The following GALNTL6 variants were observed in gnomAD, a reference collection of about 807,000 sequenced individuals.
GALNTL6 encodes polypeptide N-acetylgalactosaminyltransferase like 6, also known as polypeptide N-acetylgalactosaminyltransferase-like 6.
GALNTL6 carries 46 observed loss-of-function variants against 73.7 expected under a neutral mutation model. The observed-to-expected ratio is 0.62, with a 90% CI of 0.49 to 0.80. GALNTL6 has a LOEUF of 0.80. Ranked by LOEUF, GALNTL6 falls within the 30% of genes least tolerant of loss-of-function variation. GALNTL6 has a pLI of 0.00. For missense variants in GALNTL6, 604 were observed against 755.0 expected (o/e 0.80, Z 2.34); for synonymous variants, 259 against 263.7 (o/e 0.98, Z 0.17).
At chr4:172,654,847 A>G (rs1730895660) in intron 5 of GALNTL6, among the ~76,000 whole-genome samples, 1 of 152,248 alleles carries the variant, frequency 6.6e-6, no homozygotes, top group Non-Finnish European at 1.5e-5. Flanking sequence ...TAGTAATAAT[A>G]ACAACGTTTG....
At chr4:172,429,195 A>ATTTTAATTTTATT (rs55787801) in intron 5 of GALNTL6, among the ~76,000 whole-genome samples, 1 of 133,748 alleles carries the variant, frequency 7.5e-6, no homozygotes, top group Non-Finnish European at 1.6e-5. Context: ...TTTATTTTAT[A>ATTTTAATTTTATT]TTATTTTATT....
intron 3 of GALNTL6, among the ~76,000 whole-genome samples, chr4:172,297,377 T>G (rs4314243): frequency 2.0e-5 from 3 of 152,162 alleles, no homozygotes; most frequent in Non-Finnish European, 2.9e-5. Flanking sequence ...CCATTTGTCA[T>G]TTCTGGCTTT....
At chr4:172,485,994 A>G (rs1465257297) in intron 5 of GALNTL6, among the ~76,000 whole-genome samples, 1 of 152,146 alleles carries the variant, frequency 6.6e-6, no homozygotes, top group Non-Finnish European at 1.5e-5. Flanking sequence ...TTCACCATTG[A>G]CTAAAGTTTA....
chr4:172,192,203 C>T (rs1735610012), intron 2 of GALNTL6, among the ~76,000 whole-genome samples: 1 of 151,724 alleles, frequency 6.6e-6, no homozygotes, highest in Admixed American at 6.6e-5. Flanking sequence ...ACTTATAATT[C>T]CTCTGAGTTA....
intron 8 of GALNTL6, among the ~76,000 whole-genome samples, chr4:172,898,775 T>C (rs1746470419): frequency 1.3e-5 from 2 of 152,224 alleles, no homozygotes; most frequent in South Asian, 2.1e-4. Flanking sequence ...CCTCATATTA[T>C]CTTATGCCCA....
intron 2 of GALNTL6, among the ~76,000 whole-genome samples, chr4:171,927,103 C>T (rs747957344): frequency 6.6e-5 from 10 of 151,890 alleles, no homozygotes; most frequent in Non-Finnish European, 1.0e-4. Context: ...TGTTTCAGCA[C>T]AATTCATGAA....
At chr4:171,904,311 A>G (rs1737202433) in intron 2 of GALNTL6, among the ~76,000 whole-genome samples, 1 of 152,152 alleles carries the variant, frequency 6.6e-6, no homozygotes, top group African/African-American at 2.4e-5. Flanking sequence ...GAGCTGATGG[A>G]GCTGAAAACC....
At chr4:172,303,678 G>T (rs1740020804) in intron 3 of GALNTL6, among the ~76,000 whole-genome samples, 1 of 152,154 alleles carries the variant, frequency 6.6e-6, no homozygotes, top group Non-Finnish European at 1.5e-5. Flanking sequence ...TTGTTTGTGT[G>T]ACAACAGCAG....
chr4:171,935,464 ACT>A (rs1738310977), intron 2 of GALNTL6, among the ~76,000 whole-genome samples: 1 of 152,020 alleles, frequency 6.6e-6, no homozygotes, highest in Non-Finnish European at 1.5e-5. Context: ...GAAGAAACAC[ACT>A]GACTCTCTTT....
At chr4:171,989,404 A>G (rs890686618) in intron 2 of GALNTL6, among the ~76,000 whole-genome samples, 20 of 152,122 alleles carry the variant, frequency 1.3e-4, no homozygotes, top group East Asian at 3.9e-4. Context: ...CTGATTTTCA[A>G]TGGGTTCCTA....
At chr4:172,355,513 TGTA>T (rs1742118254) in intron 5 of GALNTL6, among the ~76,000 whole-genome samples, 1 of 152,144 alleles carries the variant, frequency 6.6e-6, no homozygotes, top group East Asian at 1.9e-4. Flanking sequence ...AGTTATCACA[TGTA>T]GTATTACAGC....
chr4:172,134,576 T>TG (rs1733588414), intron 2 of GALNTL6, among the ~76,000 whole-genome samples: 1 of 152,144 alleles, frequency 6.6e-6, no homozygotes, highest in Non-Finnish European at 1.5e-5. Flanking sequence ...GAAGGGAGAC[T>TG]GGAGACAATG....
rs1241431913 is a variant in GALNTL6, at chr4:172,156,564, TATAC to T, written c.139-73087_139-73084del. The stretch of plus-strand genomic sequence containing the variant: ...TAATATATATATATATATATATATA[TATAC>T]ATACTATATATATATAGTATATTGT... On this transcript the variant is annotated intron_variant, in intron 2 of 12. Coordinates refer to ENST00000506823, the MANE Select transcript of GALNTL6 (RefSeq NM_001034845.3). 1.7e-4 allele frequency among the ~76,000 whole-genome samples: 19 copies of T among 111,152 alleles called. 1 individual carries two copies. The highest frequency in any genetic ancestry group is 6.1e-4 in the African/African-American group (17 of 27,866). 72.9% of individuals were successfully genotyped at this position (111,152 alleles called of 152,430 possible). A position where few individuals can be genotyped will look rare whatever the true frequency, so the allele number is the denominator to read the frequency against.
At chr4:171,923,828 T>TGTGTGTGTGTG (rs1737882530) in intron 2 of GALNTL6, among the ~76,000 whole-genome samples, 7 of 60,826 alleles carry the variant, frequency 1.2e-4, no homozygotes, top group African/African-American at 1.7e-4. Flanking sequence ...GTGTGTGTGT[T>TGTGTGTGTGTG]TGAAGTTCTT....
intron 5 of GALNTL6, among the ~76,000 whole-genome samples, chr4:172,576,453 C>G (rs1472266901): frequency 6.6e-6 from 1 of 152,150 alleles, no homozygotes; most frequent in Non-Finnish European, 1.5e-5. Flanking sequence ...GAGCTTGGGT[C>G]TAAGGGTTGT....
intron 2 of GALNTL6, among the ~76,000 whole-genome samples, chr4:172,034,941 A>C (rs780232265): frequency 2.2e-4 from 33 of 152,304 alleles, no homozygotes; most frequent in Middle Eastern, 6.8e-3. Flanking sequence ...AAATATATTT[A>C]TTGCAATATG....
At chr4:172,899,206 T>C (rs1272100237) in intron 8 of GALNTL6, among the ~76,000 whole-genome samples, 1 of 152,220 alleles carries the variant, frequency 6.6e-6, no homozygotes, top group Non-Finnish European at 1.5e-5. Context: ...CTCGTCCTGC[T>C]ACACAACGTG....
chr4:171,833,447 C>T (rs190916270), intron 2 of GALNTL6, among the ~76,000 whole-genome samples: 2 of 151,562 alleles, frequency 1.3e-5, no homozygotes, highest in African/African-American at 4.8e-5. Flanking sequence ...TGATCTTATT[C>T]TCTCATTAAC....
intron 5 of GALNTL6, among the ~76,000 whole-genome samples, chr4:172,385,906 TAC>T (rs201908612): frequency 5.3e-5 from 8 of 151,434 alleles, no homozygotes; most frequent in Non-Finnish European, 7.4e-5. Flanking sequence ...TTATTGTTTA[TAC>T]ACACACACAC....
Sources: allele counts gnomAD v4.1 joint callset (sites outside exome capture counted in the v4.1 genomes callset), GRCh38; gene constraint gnomAD v4.1.1; transcripts MANE v1.5; gene names NCBI Gene and HGNC (gene_info 2026-07-23, HGNC 2026-07-21).